Variants in KLHL1 observed in about 807,000 individuals in gnomAD.
KLHL1 encodes the protein kelch-like protein 1.
Under a neutral mutation model 77.7 loss-of-function variants are expected in KLHL1, and 47 were observed. That is an observed-to-expected ratio of 0.60 (90% CI 0.48 to 0.77). KLHL1 has a LOEUF of 0.77. Among genes scored for constraint, KLHL1 ranks in the 30% least tolerant of loss-of-function variants. The pLI, the probability that KLHL1 is intolerant of heterozygous loss-of-function variation, is 0.00. For missense variants in KLHL1, 925 were observed against 910.8 expected (o/e 1.02, Z -0.20); for synonymous variants, 360 against 325.2 (o/e 1.11, Z -1.15).
intron 6 of KLHL1, among the ~76,000 whole-genome samples, chr13:69,818,085 A>G (rs1399107875): frequency 6.6e-6 from 1 of 152,044 alleles, no homozygotes; most frequent in African/African-American, 2.4e-5. Flanking sequence ...GCTGTAAAAG[A>G]AAACTTCGCT....
chr13:69,709,720 G>T (rs1875791236), intron 9 of KLHL1, among the ~76,000 whole-genome samples: 1 of 151,884 alleles, frequency 6.6e-6, no homozygotes. Flanking sequence ...AACATGTTCA[G>T]AAATTTCTCT....
At chr13:69,764,991 GC>G (rs1210450524) in intron 7 of KLHL1, among the ~76,000 whole-genome samples, 2 of 102,096 alleles carry the variant, frequency 2.0e-5, no homozygotes, top group Admixed American at 3.2e-4. Flanking sequence ...TCGCTTTGTC[GC>G]CCAGGCTGGA....
chr13:69,908,821 G>A (rs577113473), intron 4 of KLHL1, among the ~76,000 whole-genome samples: 301 of 151,168 alleles, frequency 2.0e-3, no homozygotes, highest in African/African-American at 6.8e-3. Flanking sequence ...ACTTCATCCA[G>A]TAATGTAGAG....
At chr13:69,840,130 C>T (rs2138112233) in intron 5 of KLHL1, among the ~76,000 whole-genome samples, 1 of 152,166 alleles carries the variant, frequency 6.6e-6, no homozygotes, top group South Asian at 2.1e-4. Flanking sequence ...TTAAATTTAA[C>T]ACTATAATTA....
chr13:70,069,388 C>T (rs1466848472), intron 1 of KLHL1, among the ~76,000 whole-genome samples: 2 of 152,248 alleles, frequency 1.3e-5, no homozygotes, highest in East Asian at 1.9e-4. Context: ...TCAAGAGAAA[C>T]ATAAAGCCTC....
chr13:69,860,836 TC>T (rs1880125795), intron 5 of KLHL1, among the ~76,000 whole-genome samples: 1 of 151,624 alleles, frequency 6.6e-6, no homozygotes, highest in Non-Finnish European at 1.5e-5. Flanking sequence ...TAATTAGATA[TC>T]TTTAGAATTA....
chr13:69,880,443 A>G (rs1880943336), intron 5 of KLHL1, among the ~76,000 whole-genome samples: 1 of 152,152 alleles, frequency 6.6e-6, no homozygotes, highest in African/African-American at 2.4e-5. Context: ...AGGAATGGAG[A>G]ATAGACATAT....
At chr13:69,920,100 T>A (rs189569360) in intron 4 of KLHL1, among the ~76,000 whole-genome samples, 75 of 108,526 alleles carry the variant, frequency 6.9e-4, no homozygotes, top group African/African-American at 2.2e-3. Flanking sequence ...TACAATATTG[T>A]ATTATTATAA....
chr13:69,988,089 T>G (rs187730037), intron 1 of KLHL1, among the ~76,000 whole-genome samples: 3,279 of 150,900 alleles, frequency 0.022, 128 homozygotes, highest in African/African-American at 0.077. Flanking sequence ...AGCTTTTTTT[T>G]GGCGGGGGGA....
chr13:70,037,290 G>A (rs2472270), intron 1 of KLHL1, among the ~76,000 whole-genome samples: 60,932 of 151,846 alleles, frequency 0.4, 12,493 homozygotes, highest in East Asian at 0.69. Flanking sequence ...ACTTTTTGAA[G>A]TGTAATGACA....
At position 70,077,644 on chromosome 13, in the gene KLHL1, C is replaced by A. The variant is rs80203347; in HGVS notation, c.497+29559G>T. Among the ~76,000 whole-genome samples, 529 of 151,994 alleles carry A rather than the reference C, an allele frequency of 3.5e-3. 2 individuals are homozygous for A. Among genetic ancestry groups the A allele is most frequent in the African/African-American group, 0.011 (473 of 41,514 alleles). Reference sequence around the variant, plus strand: ...ATCAATTGTAATAAGTGTACTATATCAAAATGATGTGTTAATAATAGGGGA... The same window carrying A: ...ATCAATTGTAATAAGTGTACTATATAAAAATGATGTGTTAATAATAGGGGA... On this transcript the variant is annotated intron_variant, in intron 1 of 10. Coordinates refer to ENST00000377844, the MANE Select transcript of KLHL1 (RefSeq NM_020866.3).
At chr13:70,076,343 T>A (rs920773000) in intron 1 of KLHL1, among the ~76,000 whole-genome samples, 1 of 149,548 alleles carries the variant, frequency 6.7e-6, no homozygotes, top group Non-Finnish European at 1.5e-5. Context: ...AGTCAACTGA[T>A]CTTTCACAAT....
In KLHL1 at chr13:69,935,946, C is replaced by T. The variant is rs560588378; in HGVS notation, c.1014+4094G>A. On this transcript the variant is annotated intron_variant, in intron 4 of 10. Coordinates refer to ENST00000377844, the MANE Select transcript of KLHL1 (RefSeq NM_020866.3). ...CTTCTTCTCTTGTCATAAAGAAATC[C>T]GCAATATATTTGTAAAGACTAGTCA... Among the ~76,000 whole-genome samples the T allele has an allele frequency of 4.6e-5, 7 of 151,998 alleles. No homozygotes were observed. In the East Asian group the frequency reaches 1.2e-3, roughly 25 times the overall value.
chr13:69,817,224 T>TC (rs1878157460), intron 6 of KLHL1, among the ~76,000 whole-genome samples: 1 of 152,172 alleles, frequency 6.6e-6, no homozygotes, highest in Non-Finnish European at 1.5e-5. Context: ...TGTGAATTTT[T>TC]CTAGCTTTCG....
At chr13:69,766,900 T>C (rs575210154) in intron 7 of KLHL1, among the ~76,000 whole-genome samples, 1 of 152,328 alleles carries the variant, frequency 6.6e-6, no homozygotes, top group Admixed American at 6.5e-5. Flanking sequence ...TTATTGATAG[T>C]AGCAATGTTA....
At chr13:69,787,568 C>T (rs1299358537) in intron 7 of KLHL1, among the ~76,000 whole-genome samples, 1 of 152,140 alleles carries the variant, frequency 6.6e-6, no homozygotes, top group Non-Finnish European at 1.5e-5. Context: ...TAGAAGGAAA[C>T]CTAGGCAGTA....
chr13:70,102,575 C>A (rs1887948303), intron 1 of KLHL1, among the ~76,000 whole-genome samples: 1 of 152,036 alleles, frequency 6.6e-6, no homozygotes, highest in Admixed American at 6.6e-5. Context: ...GTTTGTTTGT[C>A]TAAGCATAGA....
rs34158219 is a variant in KLHL1 at position 69,833,799 on chromosome 13, C to CTA, written c.1414+5175_1414+5176dup. Among the ~76,000 whole-genome samples, 607 of 144,772 alleles carry CTA rather than the reference C, an allele frequency of 4.2e-3. 4 individuals are homozygous for CTA. Among genetic ancestry groups the CTA allele is most frequent in the East Asian group, 0.012 (62 of 5,020 alleles). 95.0% of individuals were successfully genotyped at this position (144,772 alleles called of 152,430 possible). A position where few individuals can be genotyped will look rare whatever the true frequency, so the allele number is the denominator to read the frequency against. On this transcript the variant is annotated intron_variant, in intron 6 of 10. Coordinates refer to ENST00000377844, the MANE Select transcript of KLHL1 (RefSeq NM_020866.3). ...TACATACATATATACTTGTTGTGTTCTATATATATATATACACACACACAC... is the reference window on the plus strand; with the variant it reads ...TACATACATATATACTTGTTGTGTTCTATATATATATATATACACACACACAC...
chr13:70,062,741 C>T (rs924300218), intron 1 of KLHL1, among the ~76,000 whole-genome samples: 3 of 152,116 alleles, frequency 2.0e-5, no homozygotes, highest in Admixed American at 6.5e-5. Flanking sequence ...ATGTATTAAA[C>T]TTGTCTCTGT....
Sources: gnomAD v4.1 joint callset for allele counts (sites outside exome capture counted in the v4.1 genomes callset) on GRCh38, gnomAD v4.1.1 for gene constraint, MANE v1.5 for transcripts, NCBI Gene and HGNC (gene_info 2026-07-23, HGNC 2026-07-21) for gene names.